Variants in LRP1B observed in about 807,000 individuals in gnomAD.
LRP1B encodes the protein LDL receptor related protein 1B, also known as low-density lipoprotein receptor-related protein 1B.
LRP1B carries 217 observed loss-of-function variants against 556.6 expected under a neutral mutation model. That is an observed-to-expected ratio of 0.39 (90% CI 0.35 to 0.44). The LOEUF (loss-of-function observed/expected upper bound fraction) is 0.44. Ranked by LOEUF, LRP1B falls within the 20% of genes least tolerant of loss-of-function variation. LRP1B has a pLI of 1.00. For missense variants in LRP1B, 5,053 were observed against 5,620.8 expected (o/e 0.90, Z 3.23); for synonymous variants, 2,047 against 1,865.8 (o/e 1.10, Z -2.50).
At chr2:141,595,624 A>G (rs1398878857) in intron 2 of LRP1B, among the ~76,000 whole-genome samples, 1 of 152,138 alleles carries the variant, frequency 6.6e-6, no homozygotes, top group Non-Finnish European at 1.5e-5. Flanking sequence ...AGAAAAAATA[A>G]TTTAGAAAAA....
intron 53 of LRP1B, among the ~76,000 whole-genome samples, chr2:140,505,366 G>T (rs1038454668): frequency 6.6e-6 from 1 of 151,816 alleles, no homozygotes; most frequent in African/African-American, 2.4e-5. Context: ...CACACACCAC[G>T]CTCTCTAGCA....
chr2:141,045,704 C>A (rs968044249), intron 11 of LRP1B, among the ~76,000 whole-genome samples: 2 of 152,072 alleles, frequency 1.3e-5, no homozygotes, highest in Non-Finnish European at 2.9e-5. Flanking sequence ...GCTTTATCCT[C>A]TTTACTGAAG....
intron 30 of LRP1B, 86 bp from the exon 31 acceptor site, chr2:140,840,171 A>T (rs1459649186): frequency 2.0e-5 from 14 of 700,104 alleles, no homozygotes; most frequent in Non-Finnish European, 3.2e-5. Context: ...CAAAGTAAAC[A>T]TCAAAATATA....
At chr2:141,142,928 T>C (rs1223796867) in intron 7 of LRP1B, among the ~76,000 whole-genome samples, 2 of 145,050 alleles carry the variant, frequency 1.4e-5, no homozygotes, top group South Asian at 2.3e-4. Context: ...TTACTTTTTT[T>C]TTTTTTTTTT....
At chr2:140,815,861 GTC>G (rs201390475) in intron 31 of LRP1B, among the ~76,000 whole-genome samples, 2,958 of 96,472 alleles carry the variant, frequency 0.031, 74 homozygotes, top group African/African-American at 0.061. Context: ...GAAGAATGTT[GTC>G]TCTCTTTTTT....
intron 24 of LRP1B, among the ~76,000 whole-genome samples, chr2:140,885,223 T>G (rs2105189950): frequency 6.6e-6 from 1 of 152,268 alleles, no homozygotes; most frequent in African/African-American, 2.4e-5. Flanking sequence ...ATTATGTGCT[T>G]AAATATGACC....
chr2:140,682,421 T>G (rs183480920), intron 41 of LRP1B, among the ~76,000 whole-genome samples: 1 of 152,140 alleles, frequency 6.6e-6, no homozygotes, highest in African/African-American at 2.4e-5. Context: ...ACTTATTAAG[T>G]CCCAGGAACT....
chr2:141,856,811 A>C (rs2105782637), intron 1 of LRP1B, among the ~76,000 whole-genome samples: 1 of 152,226 alleles, frequency 6.6e-6, no homozygotes, highest in East Asian at 1.9e-4. Context: ...TCCCCGTTTC[A>C]ACGATCTCCA....
intron 3 of LRP1B, among the ~76,000 whole-genome samples, chr2:141,297,068 T>C (rs116195017): frequency 0.013 from 1,994 of 152,320 alleles, 32 homozygotes; most frequent in East Asian, 0.039. Flanking sequence ...TAGTATTTCA[T>C]GGTGAATATG....
intron 3 of LRP1B, among the ~76,000 whole-genome samples, chr2:141,365,963 G>A (rs901798287): frequency 3.9e-5 from 6 of 152,056 alleles, no homozygotes; most frequent in Admixed American, 1.3e-4. Flanking sequence ...ATGCGCCACC[G>A]CACCCGGCCA....
intron 41 of LRP1B, among the ~76,000 whole-genome samples, chr2:140,615,658 C>T (rs1474510944): frequency 2.6e-5 from 4 of 152,030 alleles, no homozygotes; most frequent in African/African-American, 9.7e-5. Flanking sequence ...TTTCTCTTAG[C>T]TATTAGAGTG....
intron 3 of LRP1B, among the ~76,000 whole-genome samples, chr2:141,448,512 A>T (rs949671078): frequency 6.6e-6 from 1 of 152,158 alleles, no homozygotes; most frequent in African/African-American, 2.4e-5. Context: ...AAGGCTGCCC[A>T]GGTTTGTGCT....
At chr2:141,299,181 T>A (rs1686298148) in intron 3 of LRP1B, among the ~76,000 whole-genome samples, 1 of 152,132 alleles carries the variant, frequency 6.6e-6, no homozygotes, top group Admixed American at 6.5e-5. Flanking sequence ...TAAATGATTC[T>A]TGCAGTGTAA....
intron 66 of LRP1B, among the ~76,000 whole-genome samples, chr2:140,423,094 A>T (rs1180680245): frequency 6.6e-6 from 1 of 152,168 alleles, no homozygotes; most frequent in African/African-American, 2.4e-5. Context: ...GCATGAAAAA[A>T]GCTCTGGAAT....
intron 1 of LRP1B, among the ~76,000 whole-genome samples, chr2:141,888,861 A>G (rs998203285): frequency 6.6e-6 from 1 of 152,156 alleles, no homozygotes; most frequent in East Asian, 1.9e-4. Context: ...CTTCAATTCC[A>G]CTTTCGTATA....
intron 45 of LRP1B, among the ~76,000 whole-genome samples, chr2:140,537,231 A>T (rs917892193): frequency 2.7e-5 from 4 of 147,860 alleles, no homozygotes; most frequent in South Asian, 2.1e-4. Context: ...ATAATATAAT[A>T]ATTATTATTA....
Position 140,588,725 on chromosome 2 carries a change from G to A in LRP1B, c.7194+9906C>T, listed in dbSNP as rs529421777. Among the ~76,000 whole-genome samples, 5 of 152,222 alleles carry A rather than the reference G, an allele frequency of 3.3e-5. No homozygotes were observed. The East Asian group carries it at 9.7e-4, about 30-fold the overall frequency. ...TCGTGCCTGTAATCCCAGCACTTTG[G>A]GAGGCCAAGGCGGGTGGATCACGAG... On this transcript the variant is annotated intron_variant, in intron 43 of 90. Transcript: ENST00000389484.
At chr2:140,397,404 T>C (rs946726871) in intron 66 of LRP1B, among the ~76,000 whole-genome samples, 6 of 152,124 alleles carry the variant, frequency 3.9e-5, no homozygotes, top group African/African-American at 1.4e-4. Flanking sequence ...TGTGTCCATG[T>C]GTTCATTTTA....
intron 2 of LRP1B, among the ~76,000 whole-genome samples, chr2:141,803,215 C>A (rs1359733480): frequency 1.1e-4 from 15 of 137,666 alleles, no homozygotes; most frequent in Non-Finnish European, 1.6e-5. Context: ...CTGCAATCGA[C>A]CTTTTTTTTT....
Sources: allele counts gnomAD v4.1 joint callset (sites outside exome capture counted in the v4.1 genomes callset), GRCh38; gene constraint gnomAD v4.1.1; transcripts MANE v1.5; gene names NCBI Gene and HGNC (gene_info 2026-07-23, HGNC 2026-07-21).